DNALI1: variants seen among roughly 807,000 people sequenced by gnomAD.
The protein encoded by DNALI1 is axonemal dynein light intermediate polypeptide 1.
DNALI1 carries 31 observed loss-of-function variants against 33.9 expected under a neutral mutation model. That is an observed-to-expected ratio of 0.91 (90% CI 0.69 to 1.23). The LOEUF (loss-of-function observed/expected upper bound fraction) is 1.23, where lower values mean the gene tolerates loss of function less well. DNALI1 is among the 50% of genes most tolerant of loss of function. The pLI is 0.00. For synonymous variants in DNALI1, 117 were observed against 129.2 expected, an observed-to-expected ratio of 0.91 and a Z score of 0.64; for missense variants, 305 against 323.8, an observed-to-expected ratio of 0.94 and a Z score of 0.44.
chr1:37,564,093 C>T (rs1643470984), intron 5 of DNALI1, among the ~76,000 whole-genome samples: 2 of 151,908 alleles, frequency 1.3e-5, no homozygotes, highest in South Asian at 2.1e-4. Flanking sequence ...AGTAGCTGGG[C>T]GTGGTGATGT....
intron 2 of DNALI1, 136 bp downstream of exon 2, chr1:37,557,884 A>C: frequency 8.2e-7 from 1 of 1,226,302 alleles, no homozygotes; most frequent in Non-Finnish European, 1.1e-6. Flanking sequence ...TAGAACTTAC[A>C]TATGGCTGGA....
In DNALI1 at chr1:37,562,119, G is replaced by T. The variant is rs983374474; in HGVS notation, c.615G>T (p.Arg205Ser). ...ELETEKRDLE[R>S]QVNEQKAKCE... ...AGACGGAAAAGAGAGACCTGGAGAG[G>T]CAAGTGAACGAGCAGAAGGCAAAAT... The change falls in exon 5 of 6, where the codon AGG (arginine) becomes AGT (serine). Residue 205 changes from arginine (R) to serine (S), a missense_variant. By Grantham distance (110) the Arg-to-Ser change is moderately radical (BLOSUM62 -1). Transcript: ENST00000652629. The surrounding 1 kb of genome is among the most constrained non-coding windows in gnomAD (Gnocchi z 5.8). 6.2e-7 allele frequency: 1 copy of T among 1,613,996 alleles called. No homozygotes were observed. The highest frequency in any genetic ancestry group is 8.5e-7 in the Non-Finnish European group (1 of 1,180,036).
Position 37,559,424 on chromosome 1 carries a change from A to C in DNALI1, c.325A>C (p.Lys109Gln). ...VVHLQEQLDL[K>Q]LQQRQARETG... The stretch of plus-strand genomic sequence containing the variant: ...GCACCTCCAGGAGCAGTTAGACTTA[A>C]AGCTGCAGCAGCGGCAGGCCAGGGA... The change falls in exon 3 of 6, where the codon AAG becomes CAG. Residue 109 changes from lysine (K) to glutamine (Q), a missense_variant. Coordinates refer to ENST00000652629, the MANE Select transcript of DNALI1 (RefSeq NM_003462.5). The surrounding 1 kb of genome is among the most constrained non-coding windows in gnomAD (Gnocchi z 5.3). 2.5e-6 allele frequency: 4 copies of C among 1,613,368 alleles called. No homozygotes were observed. The highest frequency in any genetic ancestry group is 3.4e-6 in the Non-Finnish European group (4 of 1,179,890).
chr1:37,562,859 C>A lies in DNALI1; in HGVS notation c.741+614C>A, dbSNP rs570429074. Among the ~76,000 whole-genome samples, 1 of 152,296 alleles carries A rather than the reference C, an allele frequency of 6.6e-6. No homozygotes were observed. Among genetic ancestry groups the A allele is most frequent in the East Asian group, 1.9e-4 (1 of 5,164 alleles). ...GCTGGGCAGGAGGCCATGCTACAGG[C>A]ACTGCAACTCCCAGCTGTTTGGTCC... On this transcript the variant is annotated intron_variant, in intron 5 of 5. Coordinates refer to ENST00000652629, the MANE Select transcript of DNALI1 (RefSeq NM_003462.5). This position sits in a 1 kb window ranked among gnomAD's most constrained non-coding sequence, Gnocchi z 5.8.
rs1643456991 is a variant in DNALI1 at position 37,562,846 on chromosome 1, G to A, written c.741+601G>A. Among the ~76,000 whole-genome samples the A allele has an allele frequency of 6.6e-6, 1 of 152,206 alleles. No individual in the cohort carries two copies. Among genetic ancestry groups the A allele is most frequent in the South Asian group, 2.1e-4 (1 of 4,834 alleles). On this transcript the variant is annotated intron_variant, in intron 5 of 5. Coordinates refer to ENST00000652629, the MANE Select transcript of DNALI1 (RefSeq NM_003462.5). This position sits in a 1 kb window ranked among gnomAD's most constrained non-coding sequence, Gnocchi z 5.8. The stretch of plus-strand genomic sequence containing the variant: ...GCTGGTGGACAAAGCTGGGCAGGAG[G>A]CCATGCTACAGGCACTGCAACTCCC...
chr1:37,563,367 C>G (rs1420372555), intron 5 of DNALI1, among the ~76,000 whole-genome samples: 5 of 152,220 alleles, frequency 3.3e-5, no homozygotes, highest in Non-Finnish European at 5.9e-5. Flanking sequence ...TTTTCATAAG[C>G]CTGAGTTCCT....
chr1:37,560,081 C>T (rs944934433), intron 3 of DNALI1, among the ~76,000 whole-genome samples: 1 of 152,224 alleles, frequency 6.6e-6, no homozygotes, highest in Non-Finnish European at 1.5e-5. Context: ...ACATGTCTCG[C>T]CTCCCGCCAC....
Position 37,565,298 on chromosome 1 carries a change from T to TA in DNALI1, c.*237_*238insA. ...CTCCTGGCTGGGCAATGGAAGATGG[T>TA]GTGGCCCTGTTAGTCTCCGTGTGTG... is the stretch of plus-strand genomic sequence containing the variant. On this transcript the variant is annotated 3_prime_UTR_variant, in exon 6 of 6. Coordinates refer to ENST00000652629, the MANE Select transcript of DNALI1 (RefSeq NM_003462.5). 1 of 563,938 alleles carries TA rather than the reference T, an allele frequency of 1.8e-6. No individual in the cohort carries two copies. Among genetic ancestry groups the TA allele is most frequent in the Non-Finnish European group, 3.2e-6 (1 of 316,870 alleles). 34.9% of individuals were successfully genotyped at this position (563,938 alleles called of 1,614,324 possible).
intron 5 of DNALI1, among the ~76,000 whole-genome samples, chr1:37,563,344 C>G (rs983041014): frequency 6.6e-6 from 1 of 152,236 alleles, no homozygotes; most frequent in African/African-American, 2.4e-5. Context: ...CTTTCCTTAA[C>G]TGCCATATTC....
Position 37,562,052 on chromosome 1 carries a change from C to T in DNALI1, c.577-29C>T. 1 of 1,613,462 alleles carries T rather than the reference C, an allele frequency of 6.2e-7. No homozygotes were observed. The highest frequency in any genetic ancestry group is 8.5e-7 in the Non-Finnish European group (1 of 1,179,722). ...CACCATTCCATTCACCTGGCGACAT[C>T]CCAGGATGACTGGGCATTCTCTCCT... On this transcript the variant is annotated intron_variant, in intron 4 of 5. Coordinates refer to ENST00000652629, the MANE Select transcript of DNALI1 (RefSeq NM_003462.5). This position sits in a 1 kb window ranked among gnomAD's most constrained non-coding sequence, Gnocchi z 5.8.
At chr1:37,563,497 T>A (rs913798371) in intron 5 of DNALI1, among the ~76,000 whole-genome samples, 1 of 152,194 alleles carries the variant, frequency 6.6e-6, no homozygotes, top group Non-Finnish European at 1.5e-5. Flanking sequence ...TTTTTAAATT[T>A]TTTTTCTTTT....
In DNALI1 at chr1:37,561,869, C is replaced by A. The variant is rs1240282249; in HGVS notation, c.576+134C>A. ...AGTCACGACACCTGGACTTGCATCA[C>A]CTCAGTGAGGGACCCCTGGTTGAGT... is the stretch of plus-strand genomic sequence containing the variant. On this transcript the variant is annotated intron_variant, in intron 4 of 5. Transcript: ENST00000652629. The surrounding 1 kb of genome is among the most constrained non-coding windows in gnomAD (Gnocchi z 4.6). The A allele has an allele frequency of 1.4e-6, 2 of 1,383,892 alleles. No homozygotes were observed. The highest frequency in any genetic ancestry group is 1.4e-5 in the African/African-American group (1 of 69,306). The allele number at this position is 1,383,892 out of a possible 1,614,324, so 85.7% of individuals were successfully genotyped here. A position where few individuals can be genotyped will look rare whatever the true frequency, so the allele number is the denominator to read the frequency against.
chr1:37,558,925 AC>A (rs1192045610), intron 2 of DNALI1, among the ~76,000 whole-genome samples: 1 of 152,194 alleles, frequency 6.6e-6, no homozygotes, highest in African/African-American at 2.4e-5. Flanking sequence ...ACCCCGATAC[AC>A]ACATCTGCCT....
Position 37,562,355 on chromosome 1 carries a change from C to T in DNALI1, c.741+110C>T, listed in dbSNP as rs1643451143. On this transcript the variant is annotated intron_variant, in intron 5 of 5. Transcript: ENST00000652629. This position sits in a 1 kb window ranked among gnomAD's most constrained non-coding sequence, Gnocchi z 5.8. ...GCTTTTAAATGTTTGTCCACATGCA[C>T]TGCCAAAGGATAAAGGAAGCTGACT... 2.1e-6 allele frequency: 3 copies of T among 1,397,272 alleles called. No individual in the cohort carries two copies. The highest frequency in any genetic ancestry group is 1.4e-5 in the African/African-American group (1 of 69,074). The allele number at this position is 1,397,272 out of a possible 1,614,324, so 86.6% of individuals were successfully genotyped here.
chr1:37,562,095 G>A lies in DNALI1; in HGVS notation c.591G>A (p.Glu197=), dbSNP rs143488673. 2.5e-6 allele frequency: 4 copies of A among 1,613,906 alleles called. No homozygotes were observed. Among genetic ancestry groups the A allele is most frequent in the African/African-American group, 1.3e-5 (1 of 74,910 alleles). ...TCTCTCCTCAGATCGCAGAATTGGA[G>A]ACGGAAAAGAGAGACCTGGAGAGGC... ...SDMERKIAEL[E]TEKRDLERQV... is the part of the protein sequence containing the mutation. Residue 197 remains glutamate (E), a synonymous_variant, in exon 5 of 6, where the codon GAG becomes GAA. Transcript: ENST00000652629. This position sits in a 1 kb window ranked among gnomAD's most constrained non-coding sequence, Gnocchi z 5.8.
At chr1:37,558,896 C>T (rs1267714753) in intron 2 of DNALI1, among the ~76,000 whole-genome samples, 3 of 152,248 alleles carry the variant, frequency 2.0e-5, no homozygotes, top group African/African-American at 7.2e-5. Context: ...CGCAGGCACA[C>T]ACCTTCATGA....
chr1:37,557,626 C>CCAG lies in DNALI1; in HGVS notation c.110_112dup (p.Gln37dup), dbSNP rs1199363341. On this transcript the variant is annotated inframe_insertion, in exon 2 of 6. Coordinates refer to ENST00000652629, the MANE Select transcript of DNALI1 (RefSeq NM_003462.5). ...AGGCTCGGCTACTGAAAGTCAGCCC[C>CCAG]CAGCAGCCTGGACCTTCAGGTTCAG... The CCAG allele has an allele frequency of 4.3e-6, 7 of 1,613,524 alleles. No individual in the cohort carries two copies.
At chr1:37,560,277 T>G (rs1643422535) in intron 3 of DNALI1, among the ~76,000 whole-genome samples, 1 of 152,206 alleles carries the variant, frequency 6.6e-6, no homozygotes, top group African/African-American at 2.4e-5. Flanking sequence ...CGGTCAGGTC[T>G]TTCCCATCCC....
At chr1:37,558,449 CTT>C (rs1643398926) in intron 2 of DNALI1, among the ~76,000 whole-genome samples, 1 of 152,208 alleles carries the variant, frequency 6.6e-6, no homozygotes, top group African/African-American at 2.4e-5. Flanking sequence ...GCCAGAAACT[CTT>C]TTGTGGCTTC....
Sources: gnomAD v4.1 joint callset for allele counts (sites outside exome capture counted in the v4.1 genomes callset) on GRCh38, gnomAD v4.1.1 for gene constraint, Gnocchi (gnomAD v3.1) non-coding constraint, MANE v1.5 for transcripts, NCBI Gene and HGNC (gene_info 2026-07-23, HGNC 2026-07-21) for gene names.